The following EXOC6 variants were observed in gnomAD, a reference collection of about 807,000 sequenced individuals.
EXOC6 encodes exocyst complex component 6.
In EXOC6, 60 loss-of-function variants were observed where a neutral mutation model predicts 112.5. The ratio of observed to expected loss-of-function variants is 0.53; its 90% CI spans 0.43 to 0.66. The LOEUF is 0.66. Among genes scored for constraint, EXOC6 ranks in the 30% least tolerant of loss-of-function variants. EXOC6 has a pLI of 0.00. For synonymous variants in EXOC6, 295 were observed against 308.0 expected, an observed-to-expected ratio of 0.96 and a Z score of 0.44; for missense variants, 855 against 957.1, an observed-to-expected ratio of 0.89 and a Z score of 1.41.
chr10:93,015,448 T>C (rs1844454514), intron 20 of EXOC6, among the ~76,000 whole-genome samples: 1 of 152,200 alleles, frequency 6.6e-6, no homozygotes, highest in South Asian at 2.1e-4. Context: ...TAGGAATCCT[T>C]ATAAGACAAT....
At chr10:93,020,251 A>G (rs1844724024) in intron 20 of EXOC6, among the ~76,000 whole-genome samples, 1 of 152,214 alleles carries the variant, frequency 6.6e-6, no homozygotes, top group Non-Finnish European at 1.5e-5. Flanking sequence ...ACTAAAAATT[A>G]AAACTGCTTT....
rs116729514 is a variant in EXOC6, at chr10:93,002,143, C to G, written c.2095+4528C>G. Among the ~76,000 whole-genome samples, 941 of 152,192 alleles carry G rather than the reference C, an allele frequency of 6.2e-3. 8 individuals are homozygous for G. Among genetic ancestry groups the G allele is most frequent in the African/African-American group, 0.021 (883 of 41,528 alleles). On this transcript the variant is annotated intron_variant, in intron 19 of 21. Transcript: ENST00000260762. ...TATTATCTCTGTGTATTCCTCCCCCCCTTTTTTGGTGATTGCTAAGCTCTA... is the reference window on the plus strand; with the variant it reads ...TATTATCTCTGTGTATTCCTCCCCCGCTTTTTTGGTGATTGCTAAGCTCTA...
intron 12 of EXOC6, among the ~76,000 whole-genome samples, chr10:92,939,266 T>G (rs1852524171): frequency 6.6e-6 from 1 of 152,014 alleles, no homozygotes. Context: ...TTTACAATGG[T>G]CTAGGTAAGA....
intron 5 of EXOC6, among the ~76,000 whole-genome samples, chr10:92,903,477 G>C (rs1850287273): frequency 6.6e-6 from 1 of 151,722 alleles, no homozygotes. Context: ...GCATCTAGAT[G>C]ATAAAGGTTT....
intron 7 of EXOC6, among the ~76,000 whole-genome samples, chr10:92,918,588 A>AT (rs917909111): frequency 1.5e-4 from 23 of 151,850 alleles, no homozygotes; most frequent in Non-Finnish European, 2.9e-4. Flanking sequence ...TATCCAGCTA[A>AT]TTTTTTTATA....
intron 18 of EXOC6, among the ~76,000 whole-genome samples, chr10:92,976,201 T>C (rs1416182808): frequency 2.0e-5 from 3 of 152,062 alleles, no homozygotes; most frequent in African/African-American, 7.2e-5. Flanking sequence ...GAACGGGCCA[T>C]GATGACAGTG....
intron 5 of EXOC6, among the ~76,000 whole-genome samples, chr10:92,903,101 T>A (rs1850261108): frequency 6.6e-6 from 1 of 152,094 alleles, no homozygotes; most frequent in African/African-American, 2.4e-5. Context: ...CTACACTTTT[T>A]AAGAAACCGT....
chr10:93,017,288 A>G (rs73319304), intron 20 of EXOC6, among the ~76,000 whole-genome samples: 19,645 of 151,894 alleles, frequency 0.13, 1,426 homozygotes, highest in African/African-American at 0.18. Context: ...AAGGGATGAG[A>G]GATAAAAACT....
chr10:92,933,744 C>T (rs1252730327), intron 9 of EXOC6, among the ~76,000 whole-genome samples: 1 of 152,090 alleles, frequency 6.6e-6, no homozygotes, highest in African/African-American at 2.4e-5. Flanking sequence ...AATCTGATTA[C>T]TATTTGAAAA....
chr10:92,955,604 A>C lies in EXOC6; in HGVS notation c.1663A>C (p.Thr555Pro). The C allele has an allele frequency of 6.2e-7, 1 of 1,611,556 alleles. No individual in the cohort carries two copies. Among genetic ancestry groups the C allele is most frequent in the Non-Finnish European group, 8.5e-7 (1 of 1,178,678 alleles). ...GCTGGTACAAATCATCATAAACACA[A>C]CACACCTGGAGCAAGCTTGTAAATA... ...TELVQIIINT[T>P]HLEQACKYLE... The change falls in exon 17 of 22, where the codon ACA becomes CCA. Residue 555 changes from threonine to proline, a missense_variant. Around this residue, in one of 2 missense-constraint regions of EXOC6, gnomAD observed 450 missense variants for 563.5 expected, o/e 0.80. Coordinates refer to ENST00000260762, the MANE Select transcript of EXOC6 (RefSeq NM_019053.6).
chr10:93,036,153 G>A (rs1173625641), intron 20 of EXOC6, among the ~76,000 whole-genome samples: 1 of 151,166 alleles, frequency 6.6e-6, no homozygotes, highest in African/African-American at 2.4e-5. Flanking sequence ...GGGAGGTGGA[G>A]GTTGCAGTGA....
chr10:93,011,956 C>T (rs182375091), intron 19 of EXOC6, among the ~76,000 whole-genome samples: 45 of 152,156 alleles, frequency 3.0e-4, no homozygotes, highest in Non-Finnish European at 5.1e-4. Flanking sequence ...TAGATTTGGT[C>T]ACTAAATTTT....
chr10:92,928,561 A>T, intron 9 of EXOC6, 139 bp downstream of exon 9: 1 of 557,632 alleles, frequency 1.8e-6, no homozygotes, highest in Non-Finnish European at 3.2e-6. Context: ...ACATTGGTTT[A>T]GGTGCTAAGG....
intron 7 of EXOC6, among the ~76,000 whole-genome samples, chr10:92,919,117 A>G (rs542993223): frequency 1.4e-3 from 209 of 152,262 alleles, no homozygotes; most frequent in Non-Finnish European, 2.4e-3. Context: ...AAAATAGACC[A>G]TCTAGTCTTC....
chr10:92,934,777 T>C (rs966175117), intron 11 of EXOC6, among the ~76,000 whole-genome samples: 2 of 152,142 alleles, frequency 1.3e-5, no homozygotes, highest in African/African-American at 4.8e-5. Context: ...AACTCCACCA[T>C]TAAAACTCAG....
chr10:92,947,725 C>T lies in EXOC6; in HGVS notation c.1311-549C>T, dbSNP rs547714308. On this transcript the variant is annotated intron_variant, in intron 13 of 21. Transcript: ENST00000260762. The stretch of plus-strand genomic sequence containing the variant: ...GAGATCGAGACCATCCTGGCTAACA[C>T]GGTGAAACCCCTTCTTTACTAAAAA... 1.5e-4 allele frequency among the ~76,000 whole-genome samples: 23 copies of T among 152,196 alleles called. 1 individual carries two copies. The South Asian group carries it at 3.1e-3, about 21-fold the overall frequency.
chr10:92,977,743 G>A (rs1391315864), intron 18 of EXOC6, among the ~76,000 whole-genome samples: 2 of 152,012 alleles, frequency 1.3e-5, no homozygotes, highest in Admixed American at 1.3e-4. Flanking sequence ...GTATTGCTTT[G>A]AGGTGATGGG....
At chr10:92,894,257 A>G (rs1849645694) in intron 2 of EXOC6, among the ~76,000 whole-genome samples, 1 of 152,186 alleles carries the variant, frequency 6.6e-6, no homozygotes, top group African/African-American at 2.4e-5. Context: ...CTTCCTTACT[A>G]TGATGACCTA....
chr10:92,844,292 C>CA (rs1245466132), upstream of EXOC6, among the ~76,000 whole-genome samples: 1 of 152,166 alleles, frequency 6.6e-6, no homozygotes, highest in East Asian at 1.9e-4. Flanking sequence ...GTGAACAATA[C>CA]AGGCATCGTC....
Sources: allele counts gnomAD v4.1 joint callset (sites outside exome capture counted in the v4.1 genomes callset), GRCh38; gene constraint gnomAD v4.1.1; regional missense constraint gnomAD v4.1.1; transcripts MANE v1.5; gene names NCBI Gene and HGNC (gene_info 2026-07-23, HGNC 2026-07-21).